The following MLIP variants were observed in gnomAD, a reference collection of about 807,000 sequenced individuals.
MLIP encodes muscular LMNA interacting protein.
MLIP carries 79 observed loss-of-function variants against 84.8 expected under a neutral mutation model. That is an observed-to-expected ratio of 0.93 (90% confidence interval 0.78 to 1.12). The LOEUF (loss-of-function observed/expected upper bound fraction) is 1.12. Ranked by LOEUF, MLIP falls within the 50% of genes most tolerant of loss-of-function variation. MLIP has a pLI of 0.00. For synonymous variants in MLIP, 504 were observed against 463.0 expected, an observed-to-expected ratio of 1.09 and a Z score of -1.14; for missense variants, 1,257 against 1,160.6, an observed-to-expected ratio of 1.08 and a Z score of -1.21.
intron 5 of MLIP, among the ~76,000 whole-genome samples, chr6:54,154,883 G>A (rs1025498502): frequency 6.6e-6 from 1 of 152,036 alleles, no homozygotes; most frequent in South Asian, 2.1e-4. Context: ...GCAAATTACA[G>A]TGAAGGAGGT....
chr6:54,098,912 C>T (rs1768427922), intron 1 of MLIP, among the ~76,000 whole-genome samples: 1 of 152,072 alleles, frequency 6.6e-6, no homozygotes, highest in South Asian at 2.1e-4. Flanking sequence ...AGAAATCTGT[C>T]CAAGGTTTCA....
chr6:54,026,333 A>G (rs571227891), intron 1 of MLIP, among the ~76,000 whole-genome samples: 15 of 152,368 alleles, frequency 9.8e-5, no homozygotes, highest in Admixed American at 7.8e-4. Flanking sequence ...GGTGAAGTAT[A>G]GTAGTAAATA....
intron 1 of MLIP, among the ~76,000 whole-genome samples, chr6:54,038,494 T>C (rs1271880786): frequency 6.6e-6 from 1 of 151,996 alleles, no homozygotes; most frequent in Non-Finnish European, 1.5e-5. Context: ...AGAATAATTG[T>C]AATTTCTTTA....
At chr6:54,056,657 C>T (rs1471564607) in intron 1 of MLIP, among the ~76,000 whole-genome samples, 10 of 152,104 alleles carry the variant, frequency 6.6e-5, no homozygotes, top group Non-Finnish European at 2.9e-5. Context: ...TGCTAAAACC[C>T]ATCTCTAGAA....
intron 11 of MLIP, among the ~76,000 whole-genome samples, chr6:54,225,318 C>G (rs1346903076): frequency 1.3e-5 from 2 of 152,100 alleles, no homozygotes; most frequent in African/African-American, 4.8e-5. Flanking sequence ...CAAACCTGTA[C>G]AGCACAGTAT....
At chr6:54,234,986 T>C (rs1249478221) in intron 12 of MLIP, among the ~76,000 whole-genome samples, 1 of 152,198 alleles carries the variant, frequency 6.6e-6, no homozygotes, top group African/African-American at 2.4e-5. Flanking sequence ...TTTAGCTGCT[T>C]GCTTATCATT....
At chr6:54,154,064 A>T (rs544024866) in intron 5 of MLIP, among the ~76,000 whole-genome samples, 42 of 151,978 alleles carry the variant, frequency 2.8e-4, no homozygotes, top group African/African-American at 8.7e-4. Context: ...TGCATAATTT[A>T]AAAAAATTAT....
At position 54,137,055 on chromosome 6, in the gene MLIP, AGAC is replaced by A; in HGVS notation, c.987_989del (p.Thr331del). On this transcript the variant is annotated inframe_deletion, in exon 4 of 14. Transcript: ENST00000502396. ...GGACTGACCTCTGAAGTTCTCAAGA[AGAC>A]AACTTTAACCTCGCATGTCCTTAGT... The A allele has an allele frequency of 1.3e-6, 2 of 1,536,096 alleles. No individual in the cohort carries two copies. The highest frequency in any genetic ancestry group is 2.4e-5 in the South Asian group (2 of 84,056).
chr6:54,111,708 G>A (rs1769480658), intron 1 of MLIP, 133 bp downstream of exon 1: 2 of 926,352 alleles, frequency 2.2e-6, no homozygotes, highest in Non-Finnish European at 1.6e-6. Context: ...GAAATGAAAT[G>A]CTATCTTCAC....
rs1271139978 is a variant in MLIP, at chr6:54,216,495, C to A, written c.2719-14219C>A. 10 of 985,248 alleles carry A rather than the reference C, an allele frequency of 1.0e-5. No homozygotes were observed. In the Admixed American group the frequency reaches 5.5e-4, roughly 55 times the overall value. 61.0% of individuals were successfully genotyped at this position (985,248 alleles called of 1,614,324 possible). ...TGAGTGTACCTCCATCAGATACTTCCATGCTGATCCATGCCATCTGTTCTG... is the reference window on the plus strand; with the variant it reads ...TGAGTGTACCTCCATCAGATACTTCAATGCTGATCCATGCCATCTGTTCTG... On this transcript the variant is annotated intron_variant, in intron 11 of 13. Coordinates refer to ENST00000502396, the MANE Select transcript of MLIP (RefSeq NM_001281747.2).
chr6:54,262,815 C>G (rs1783471565), intron 13 of MLIP, among the ~76,000 whole-genome samples: 1 of 152,034 alleles, frequency 6.6e-6, no homozygotes, highest in African/African-American at 2.4e-5. Context: ...AGGGAAATCT[C>G]TCCCCTTATG....
chr6:54,149,303 A>G (rs1773193056), intron 5 of MLIP, among the ~76,000 whole-genome samples, 176 bp downstream of exon 5: 2 of 152,148 alleles, frequency 1.3e-5, no homozygotes, highest in African/African-American at 4.8e-5. Flanking sequence ...AATTGGAGAT[A>G]TTATTGGTTT....
At chr6:54,210,025 A>G (rs1370946074) in intron 11 of MLIP, among the ~76,000 whole-genome samples, 2 of 150,566 alleles carry the variant, frequency 1.3e-5, no homozygotes, top group Non-Finnish European at 3.0e-5. Flanking sequence ...TTAATGGTTT[A>G]GAACTTAGAA....
chr6:54,265,899 T>G (rs12198070), intron 13 of MLIP, 51 bp from the exon 14 acceptor site: 176,635 of 1,550,120 alleles, frequency 0.11, 11,039 homozygotes, highest in African/African-American at 0.19. Flanking sequence ...CAGGTGTATA[T>G]TTTTAAATTT....
intron 2 of MLIP, among the ~76,000 whole-genome samples, chr6:54,122,199 T>TA (rs1234077359): frequency 2.6e-5 from 4 of 151,744 alleles, no homozygotes; most frequent in Non-Finnish European, 4.4e-5. Flanking sequence ...TAGGGAAAAA[T>TA]AAAAAATGCC....
At chr6:54,158,149 G>A (rs1004214985) in intron 5 of MLIP, among the ~76,000 whole-genome samples, 28 of 152,176 alleles carry the variant, frequency 1.8e-4, no homozygotes, top group Middle Eastern at 3.4e-3. Context: ...GTTGTTAGAA[G>A]GAGGAAAAGA....
chr6:54,088,372 T>G (rs1554146021), intron 1 of MLIP, among the ~76,000 whole-genome samples: 1 of 152,174 alleles, frequency 6.6e-6, no homozygotes, highest in Non-Finnish European at 1.5e-5. Context: ...TTGCTTTCCC[T>G]GAGGTTCTGT....
At chr6:54,175,269 C>T (rs1039981613) in intron 9 of MLIP, among the ~76,000 whole-genome samples, 1 of 151,824 alleles carries the variant, frequency 6.6e-6, no homozygotes, top group Non-Finnish European at 1.5e-5. Flanking sequence ...ATTGTTTATT[C>T]TATTTTTGTG....
intron 1 of MLIP, among the ~76,000 whole-genome samples, chr6:54,112,831 T>C (rs1397338840): frequency 6.6e-6 from 1 of 152,212 alleles, no homozygotes; most frequent in East Asian, 1.9e-4. Context: ...GCAGTACCGT[T>C]GTAAAAGCAT....
Sources: allele counts gnomAD v4.1 joint callset (sites outside exome capture counted in the v4.1 genomes callset), GRCh38; gene constraint gnomAD v4.1.1; transcripts MANE v1.5; gene names NCBI Gene and HGNC (gene_info 2026-07-23, HGNC 2026-07-21).